Variants in TDP1 observed in about 807,000 individuals in gnomAD.
TDP1 encodes tyr-DNA phosphodiesterase 1.
In TDP1, 64 loss-of-function variants were observed where a neutral mutation model predicts 81.5. That is an observed-to-expected ratio of 0.79 (90% CI 0.64 to 0.97). TDP1 has a LOEUF of 0.97. Among genes scored for constraint, TDP1 ranks in the 50% least tolerant of loss-of-function variants. The pLI is 0.00. For missense variants in TDP1, 723 were observed against 743.8 expected (o/e 0.97, Z 0.33); for synonymous variants, 256 against 264.3 (o/e 0.97, Z 0.30).
Position 89,984,817 on chromosome 14 carries a change from G to A in TDP1, c.1052+134G>A, listed in dbSNP as rs986223061. Reference sequence around the variant, plus strand: ...AAGCTTCAGGATGTGATGAGGGGATGAGCAGATTCTATCACATCTGTATCT... The same window carrying A: ...AAGCTTCAGGATGTGATGAGGGGATAAGCAGATTCTATCACATCTGTATCT... On this transcript the variant is annotated intron_variant, in intron 9 of 16. Coordinates refer to ENST00000335725, the MANE Select transcript of TDP1 (RefSeq NM_018319.4). 5.1e-6 allele frequency: 8 copies of A among 1,576,402 alleles called. No homozygotes were observed. The African/African-American group carries it at 9.4e-5, about 19-fold the overall frequency.
At chr14:89,995,352 G>A (rs1293775363) in intron 14 of TDP1, among the ~76,000 whole-genome samples, 1 of 152,004 alleles carries the variant, frequency 6.6e-6, no homozygotes, top group South Asian at 2.1e-4. Flanking sequence ...AATAAGTGAT[G>A]GAACCCAGAT....
chr14:90,029,038 G>A (rs971511907), intron 15 of TDP1, among the ~76,000 whole-genome samples: 2 of 152,022 alleles, frequency 1.3e-5, no homozygotes, highest in Non-Finnish European at 2.9e-5. Flanking sequence ...AGGGTTTCTA[G>A]AATTTGGCTC....
At chr14:90,026,844 TCATC>T (rs1886719405) in intron 15 of TDP1, among the ~76,000 whole-genome samples, 1 of 152,254 alleles carries the variant, frequency 6.6e-6, no homozygotes, top group African/African-American at 2.4e-5. Flanking sequence ...CACATTTTCT[TCATC>T]CAGTCTATCA....
At chr14:90,014,877 C>G (rs1885134359) in intron 14 of TDP1, among the ~76,000 whole-genome samples, 1 of 152,148 alleles carries the variant, frequency 6.6e-6, no homozygotes, top group Admixed American at 6.6e-5. Flanking sequence ...AGGGCTTGGC[C>G]CAGAGGTCAT....
At chr14:89,990,068 G>A (rs967309499) in intron 12 of TDP1, among the ~76,000 whole-genome samples, 10 of 152,236 alleles carry the variant, frequency 6.6e-5, no homozygotes, top group South Asian at 2.1e-4. Flanking sequence ...TCTTCAATGC[G>A]TTTTCAGAGC....
intron 14 of TDP1, among the ~76,000 whole-genome samples, chr14:89,998,619 T>C (rs1896930834): frequency 6.7e-6 from 1 of 150,316 alleles, no homozygotes; most frequent in Admixed American, 6.7e-5. Context: ...AGTGCTCGGG[T>C]TGGGGAGGGA....
At position 89,985,227 on chromosome 14, in the gene TDP1, T is replaced by C; in HGVS notation, c.1131+17T>C. ...CTTAAGAAGGTAACAGAACTTTTAC[T>C]ATTTTAACATTTTTAAAAAATTTAA... is the stretch of plus-strand genomic sequence containing the variant. On this transcript the variant is annotated intron_variant, in intron 10 of 16. Coordinates refer to ENST00000335725, the MANE Select transcript of TDP1 (RefSeq NM_018319.4). The C allele has an allele frequency of 6.7e-7, 1 of 1,498,086 alleles. No individual in the cohort carries two copies. Among genetic ancestry groups the C allele is most frequent in the Non-Finnish European group, 9.2e-7 (1 of 1,087,226 alleles). The allele number at this position is 1,498,086 out of a possible 1,614,324, so 92.8% of individuals were successfully genotyped here.
chr14:90,043,972 A>G lies in TDP1; in HGVS notation c.*829A>G, dbSNP rs1352827409. Reference sequence around the variant, plus strand: ...TCTTGGGGTCGCTGGAGGTGATCCTAGGATCTGTCTCTGAGACCAATGTGC... The same window carrying G: ...TCTTGGGGTCGCTGGAGGTGATCCTGGGATCTGTCTCTGAGACCAATGTGC... On this transcript the variant is annotated 3_prime_UTR_variant, in exon 17 of 17. Transcript: ENST00000335725. 6.6e-6 allele frequency: 1 copy of G among 152,188 alleles called. No individual in the cohort carries two copies. Among genetic ancestry groups the G allele is most frequent in the Non-Finnish European group, 1.5e-5 (1 of 68,050 alleles). 9.4% of individuals were successfully genotyped at this position (152,188 alleles called of 1,614,324 possible). A position where few individuals can be genotyped will look rare whatever the true frequency, so the allele number is the denominator to read the frequency against.
In TDP1 at chr14:90,002,644, C is replaced by G. The variant is rs1019078639; in HGVS notation, c.1541+9161C>G. ...CAGCACTTTGGGAGGCCAAGGCGAT[C>G]GGATCACTTGCGCTCAGGAATTCAA... On this transcript the variant is annotated intron_variant, in intron 14 of 16. Transcript: ENST00000335725. Among the ~76,000 whole-genome samples the G allele has an allele frequency of 5.3e-5, 8 of 150,388 alleles. No individual in the cohort carries two copies. In the East Asian group the frequency reaches 1.6e-3, roughly 30 times the overall value.
intron 9 of TDP1, 125 bp downstream of exon 9, chr14:89,984,808 T>TG: frequency 1.3e-6 from 2 of 1,585,508 alleles, no homozygotes; most frequent in South Asian, 2.2e-5. Flanking sequence ...CAGGATGTGA[T>TG]GAGGGGATGA....
intron 9 of TDP1, 70 bp downstream of exon 9, chr14:89,984,753 CA>C: frequency 6.2e-7 from 1 of 1,603,850 alleles, no homozygotes; most frequent in Non-Finnish European, 8.5e-7. Context: ...TGAGGTCTGG[CA>C]TGCAGGGGCC....
intron 16 of TDP1, chr14:90,042,837 T>G (rs867982052): frequency 6.1e-6 from 6 of 978,626 alleles, no homozygotes; most frequent in Middle Eastern, 1.0e-3. Context: ...AAATGAGATT[T>G]GGATGGGGAC....
At chr14:89,973,400 G>T (rs2140021769) in intron 6 of TDP1, among the ~76,000 whole-genome samples, 1 of 152,320 alleles carries the variant, frequency 6.6e-6, no homozygotes, top group South Asian at 2.1e-4. Flanking sequence ...GTGCTTGATA[G>T]TGTGTTCCAG....
At chr14:89,999,616 A>T (rs997818483) in intron 14 of TDP1, among the ~76,000 whole-genome samples, 4 of 152,250 alleles carry the variant, frequency 2.6e-5, no homozygotes, top group Admixed American at 2.0e-4. Flanking sequence ...AAAAAATTAT[A>T]GGAGTAATAA....
intron 15 of TDP1, chr14:90,022,933 C>T: frequency 2.7e-6 from 2 of 730,746 alleles, no homozygotes; most frequent in African/African-American, 3.5e-5. Context: ...CTCCTCAAAG[C>T]ATACCCCAGG....
chr14:89,961,443 A>T (rs746885244), intron 2 of TDP1, among the ~76,000 whole-genome samples: 7 of 152,244 alleles, frequency 4.6e-5, no homozygotes, highest in Non-Finnish European at 1.0e-4. Context: ...CTGCTGAAGA[A>T]AAAAGAACCT....
intron 15 of TDP1, among the ~76,000 whole-genome samples, chr14:90,026,062 G>A (rs2140295084): frequency 6.6e-6 from 1 of 152,342 alleles, no homozygotes; most frequent in South Asian, 2.1e-4. Context: ...ACTTGGTCCT[G>A]TGCTAGTGGG....
At chr14:89,981,481 C>T in intron 8 of TDP1, 1 of 454,592 alleles carries the variant, frequency 2.2e-6, no homozygotes, top group Non-Finnish European at 4.4e-6. Flanking sequence ...TACATCTCTG[C>T]CTGTGCTAGA....
chr14:89,973,318 G>C (rs1893871767), intron 6 of TDP1, among the ~76,000 whole-genome samples: 1 of 152,210 alleles, frequency 6.6e-6, no homozygotes, highest in Non-Finnish European at 1.5e-5. Context: ...CTGAAAACCA[G>C]TGACTAAATG....
Sources: gnomAD v4.1 joint callset for allele counts (sites outside exome capture counted in the v4.1 genomes callset) on GRCh38, gnomAD v4.1.1 for gene constraint, MANE v1.5 for transcripts, NCBI Gene and HGNC (gene_info 2026-07-23, HGNC 2026-07-21) for gene names.